SMOC1: variants seen among roughly 807,000 people sequenced by gnomAD.
SMOC1 encodes SPARC-related modular calcium-binding protein 1.
SMOC1 carries 22 observed loss-of-function variants against 56.3 expected under a neutral mutation model. That is an observed-to-expected ratio of 0.39 (90% CI 0.28 to 0.56). The LOEUF is 0.56. Ranked by LOEUF, SMOC1 falls within the 20% of genes least tolerant of loss-of-function variation. SMOC1 has a pLI of 0.61. For missense variants in SMOC1, 509 were observed against 565.4 expected, an observed-to-expected ratio of 0.90 and a Z score of 1.01; for synonymous variants, 193 against 215.0, an observed-to-expected ratio of 0.90 and a Z score of 0.89.
chr14:70,017,551 G>C (rs1885562643), intron 10 of SMOC1, among the ~76,000 whole-genome samples: 1 of 152,216 alleles, frequency 6.6e-6, no homozygotes, highest in Admixed American at 6.5e-5. Context: ...ATCAGCTGGG[G>C]CCAGGGAAAC....
chr14:70,010,433 C>G (rs2139585922), intron 7 of SMOC1, among the ~76,000 whole-genome samples: 1 of 152,338 alleles, frequency 6.6e-6, no homozygotes, highest in African/African-American at 2.4e-5. Flanking sequence ...TGAGATATTC[C>G]ACCCTTGGGA....
intron 1 of SMOC1, among the ~76,000 whole-genome samples, chr14:69,931,416 CGGGCAG>C (rs1566678071): frequency 1.3e-5 from 2 of 152,350 alleles, no homozygotes; most frequent in African/African-American, 4.8e-5. Context: ...CCATGACAGG[CGGGCAG>C]TGTATAGCTC....
At chr14:70,029,712 C>G (rs1886068090) in intron 11 of SMOC1, among the ~76,000 whole-genome samples, 1 of 151,644 alleles carries the variant, frequency 6.6e-6, no homozygotes, top group Admixed American at 6.6e-5. Flanking sequence ...AATGAGCAGG[C>G]ACAAACCCAT....
At chr14:69,945,698 T>C (rs1479892270) in intron 1 of SMOC1, among the ~76,000 whole-genome samples, 1 of 152,230 alleles carries the variant, frequency 6.6e-6, no homozygotes. Flanking sequence ...AAGTGAGTAC[T>C]TGAAGCTGTG....
In SMOC1 at chr14:70,023,829, A is replaced by ATGTGTG. The variant is rs57688603; in HGVS notation, c.1291+404_1291+409dup. ...GGTGTGTGTGTGTGTGAGTGTGTGT[A>ATGTGTG]TGTGTGTGTGTGTGTGTGTGTGTGT... On this transcript the variant is annotated intron_variant, in intron 11 of 11. Transcript: ENST00000361956. Among the ~76,000 whole-genome samples, 480 of 145,030 alleles carry ATGTGTG rather than the reference A, an allele frequency of 3.3e-3. 4 individuals are homozygous for ATGTGTG. The highest frequency in any genetic ancestry group is 0.012 in the African/African-American group (460 of 39,762).
At chr14:69,998,914 C>G (rs528665914) in intron 7 of SMOC1, among the ~76,000 whole-genome samples, 1 of 152,190 alleles carries the variant, frequency 6.6e-6, no homozygotes, top group Non-Finnish European at 1.5e-5. Context: ...GCCCTAGACC[C>G]TGGCCCTGTG....
Position 70,030,292 on chromosome 14 carries a change from AG to A in SMOC1, c.*37del. The A allele has an allele frequency of 6.2e-7, 1 of 1,612,248 alleles. No individual in the cohort carries two copies. Among genetic ancestry groups the A allele is most frequent in the Non-Finnish European group, 8.5e-7 (1 of 1,179,732 alleles). ...AAACCCAAGGGCAGGTGGAGAGTCC[AG>A]GGAGGCAGGATGGATCACCAGACAC... On this transcript the variant is annotated 3_prime_UTR_variant, in exon 12 of 12. Coordinates refer to ENST00000361956, the MANE Select transcript of SMOC1 (RefSeq NM_001034852.3).
intron 7 of SMOC1, among the ~76,000 whole-genome samples, chr14:69,998,538 T>G (rs1884856040): frequency 6.6e-6 from 1 of 152,100 alleles, no homozygotes; most frequent in African/African-American, 2.4e-5. Context: ...AGATATGAAA[T>G]AAGTGACAAG....
intron 1 of SMOC1, among the ~76,000 whole-genome samples, chr14:69,897,813 G>A (rs1253523486): frequency 2.6e-5 from 4 of 152,102 alleles, no homozygotes; most frequent in East Asian, 1.9e-4. Flanking sequence ...ACTATTATCT[G>A]TTAAATTAAT....
At chr14:69,959,501 G>GA (rs1883297922) in intron 3 of SMOC1, among the ~76,000 whole-genome samples, 1 of 152,028 alleles carries the variant, frequency 6.6e-6, no homozygotes, top group Admixed American at 6.5e-5. Context: ...CTTCTGTGTG[G>GA]AAAAAAATGT....
chr14:70,003,748 A>G (rs1200605353), intron 7 of SMOC1, among the ~76,000 whole-genome samples: 1 of 152,202 alleles, frequency 6.6e-6, no homozygotes, highest in Non-Finnish European at 1.5e-5. Context: ...CACTGCTTCT[A>G]GCCTTGTTCC....
chr14:69,903,272 CCCCTCTGGG>C (rs1884304726), intron 1 of SMOC1, among the ~76,000 whole-genome samples: 1 of 152,058 alleles, frequency 6.6e-6, no homozygotes, highest in Non-Finnish European at 1.5e-5. Flanking sequence ...CAGCCGCGAC[CCCCTCTGGG>C]AGGTGAGAAG....
intron 10 of SMOC1, among the ~76,000 whole-genome samples, chr14:70,019,913 A>G (rs1045094822): frequency 6.6e-6 from 1 of 152,194 alleles, no homozygotes; most frequent in Non-Finnish European, 1.5e-5. Flanking sequence ...ACCTGCTGTC[A>G]ACTTCATCTG....
chr14:69,907,525 T>G (rs138929199), intron 1 of SMOC1, among the ~76,000 whole-genome samples: 16 of 152,212 alleles, frequency 1.1e-4, no homozygotes, highest in Non-Finnish European at 2.2e-4. Context: ...TATCTTGTAA[T>G]GAACCAAGGG....
chr14:69,966,669 G>A (rs531194323), intron 3 of SMOC1, among the ~76,000 whole-genome samples: 41 of 152,254 alleles, frequency 2.7e-4, no homozygotes, highest in Non-Finnish European at 4.6e-4. Context: ...TCAGAGACAG[G>A]AAGCTTATTC....
intron 11 of SMOC1, among the ~76,000 whole-genome samples, chr14:70,025,025 A>C (rs529910822): frequency 2.5e-4 from 38 of 152,230 alleles, no homozygotes; most frequent in African/African-American, 8.9e-4. Context: ...TATGGGACAA[A>C]GGTAGGTTTG....
chr14:69,885,406 C>T (rs1416172001), intron 1 of SMOC1: 27 of 1,600,624 alleles, frequency 1.7e-5, no homozygotes, highest in Non-Finnish European at 2.0e-5. Context: ...GAGCCACAGA[C>T]TTAGGACCCA....
At chr14:69,938,527 C>T (rs1252331540) in intron 1 of SMOC1, among the ~76,000 whole-genome samples, 8 of 152,064 alleles carry the variant, frequency 5.3e-5, no homozygotes, top group African/African-American at 1.9e-4. Context: ...CTTGCAGGTT[C>T]AGTGGCTCAG....
chr14:69,923,988 T>C (rs1396244780), intron 1 of SMOC1, among the ~76,000 whole-genome samples: 1 of 152,188 alleles, frequency 6.6e-6, no homozygotes, highest in Non-Finnish European at 1.5e-5. Flanking sequence ...AGATTCACAG[T>C]ACTTTCAGCA....
Sources: gnomAD v4.1 joint callset for allele counts (sites outside exome capture counted in the v4.1 genomes callset) on GRCh38, gnomAD v4.1.1 for gene constraint, MANE v1.5 for transcripts, NCBI Gene and HGNC (gene_info 2026-07-23, HGNC 2026-07-21) for gene names.